The following EML1 variants were observed in gnomAD, a reference collection of about 807,000 sequenced individuals.
EML1 encodes EMAP like 1.
In EML1, 27 loss-of-function variants were observed where a neutral mutation model predicts 110.4. That is an observed-to-expected ratio of 0.24 (90% CI 0.18 to 0.34). The LOEUF (loss-of-function observed/expected upper bound fraction) is 0.34, where lower values mean the gene tolerates loss of function less well. Ranked by LOEUF, EML1 falls within the 10% of genes least tolerant of loss-of-function variation. The pLI is 1.00. For missense variants in EML1, 741 were observed against 1,030.9 expected, an observed-to-expected ratio of 0.72 and a Z score of 3.85; for synonymous variants, 344 against 385.8, an observed-to-expected ratio of 0.89 and a Z score of 1.27.
At chr14:99,935,120 T>G (rs900496467) in intron 17 of EML1, among the ~76,000 whole-genome samples, 3 of 152,150 alleles carry the variant, frequency 2.0e-5, no homozygotes, top group African/African-American at 4.8e-5. Context: ...TCCAAGGAAT[T>G]GAGTCTTCAT....
chr14:99,911,271 C>T (rs372540693), intron 12 of EML1, 151 bp from the exon 13 acceptor site: 22 of 884,432 alleles, frequency 2.5e-5, no homozygotes, highest in Middle Eastern at 5.5e-4. Context: ...GCTCTGCGAA[C>T]GTCTAGAAAT....
chr14:99,768,148 GCACAT>G (rs1199647744), upstream of EML1, among the ~76,000 whole-genome samples: 2 of 152,188 alleles, frequency 1.3e-5, no homozygotes, highest in African/African-American at 4.8e-5. Flanking sequence ...CACGAAGGGT[GCACAT>G]TGAATGTAAG....
chr14:99,772,386 C>T (rs919377005), upstream of EML1, among the ~76,000 whole-genome samples: 1 of 152,216 alleles, frequency 6.6e-6, no homozygotes, highest in Non-Finnish European at 1.5e-5. Context: ...CTCTAATAAC[C>T]GTGGTTGTCC....
At chr14:99,795,594 G>T (rs1255566992) in intron 1 of EML1, among the ~76,000 whole-genome samples, 1 of 152,168 alleles carries the variant, frequency 6.6e-6, no homozygotes, top group African/African-American at 2.4e-5. Context: ...TTCATTAAGT[G>T]AAGATATAAA....
At position 99,940,032 on chromosome 14, in the gene EML1, G is replaced by A. The variant is rs1034630974; in HGVS notation, c.2368G>A (p.Val790Ile). ...YGGHSSHVTNVDFLCEDSHLI... is the reference protein window; with the variant it reads ...YGGHSSHVTNIDFLCEDSHLI... ...CGGGCACAGCAGCCATGTCACCAAT[G>A]TCGATTTCCTCTGTGAAGACAGCCA... Residue 790 changes from valine (V) to isoleucine (I), a missense_variant, in exon 22 of 22, where the codon GTC becomes ATC. This residue lies in a region of EML1 where 114 missense variants were observed against 122.5 expected (regional missense o/e 0.93). Coordinates refer to ENST00000262233, the MANE Select transcript of EML1 (RefSeq NM_004434.3). 2 of 1,602,930 alleles carry A rather than the reference G, an allele frequency of 1.2e-6. No individual in the cohort carries two copies. The highest frequency in any genetic ancestry group is 1.3e-5 in the African/African-American group (1 of 74,492).
intron 1 of EML1, among the ~76,000 whole-genome samples, chr14:99,831,425 C>T (rs1038974981): frequency 3.3e-5 from 5 of 152,188 alleles, no homozygotes; most frequent in Non-Finnish European, 7.3e-5. Flanking sequence ...TCGTTGGGCC[C>T]ACTGGCATCA....
chr14:99,754,319 G>A (rs997012182), intron 1 of EML1, among the ~76,000 whole-genome samples: 2 of 152,334 alleles, frequency 1.3e-5, no homozygotes, highest in East Asian at 1.9e-4. Flanking sequence ...GGCAAGGAGG[G>A]GGCCCCATCT....
intron 1 of EML1, among the ~76,000 whole-genome samples, chr14:99,803,583 C>T (rs923897323): frequency 2.6e-5 from 4 of 152,192 alleles, no homozygotes; most frequent in African/African-American, 4.8e-5. Context: ...TGCTGAATGC[C>T]TCTCGCTAGA....
chr14:99,838,781 C>G (rs2058579824), intron 1 of EML1, among the ~76,000 whole-genome samples: 1 of 152,128 alleles, frequency 6.6e-6, no homozygotes, highest in Non-Finnish European at 1.5e-5. Context: ...TTCTGCTCAG[C>G]TGCAGGATCT....
chr14:99,891,977 G>T (rs923947787), intron 5 of EML1, among the ~76,000 whole-genome samples: 3 of 152,120 alleles, frequency 2.0e-5, no homozygotes, highest in Non-Finnish European at 2.9e-5. Context: ...CTGTAAGCTC[G>T]CAGGGCCACA....
In EML1 at chr14:99,909,256, AT is replaced by A. The variant is rs1292935359; in HGVS notation, c.1105-86del. On this transcript the variant is annotated intron_variant, in intron 10 of 21. Transcript: ENST00000262233. Reference sequence around the variant, plus strand: ...TGTGCTTGCCTTGAATTTCTTATTTATTTGTGGCTCACATTTTACTTGTTTT... The same window carrying A: ...TGTGCTTGCCTTGAATTTCTTATTTATTGTGGCTCACATTTTACTTGTTTT... 3.2e-6 allele frequency: 5 copies of A among 1,585,662 alleles called. No individual in the cohort carries two copies. In the African/African-American group the frequency reaches 6.7e-5, roughly 21 times the overall value.
chr14:99,758,520 A>G (rs1334595396), intron 1 of EML1, among the ~76,000 whole-genome samples: 3 of 152,190 alleles, frequency 2.0e-5, no homozygotes, highest in African/African-American at 4.8e-5. Context: ...ACATTTGACC[A>G]AAGGCAGGCA....
At chr14:99,797,756 G>A (rs2057801896) in intron 1 of EML1, among the ~76,000 whole-genome samples, 1 of 152,178 alleles carries the variant, frequency 6.6e-6, no homozygotes, top group Non-Finnish European at 1.5e-5. Flanking sequence ...GTGCCTGAAC[G>A]GACCTGGCAA....
At chr14:99,859,758 C>T (rs1016986681) in intron 2 of EML1, among the ~76,000 whole-genome samples, 1 of 152,148 alleles carries the variant, frequency 6.6e-6, no homozygotes, top group African/African-American at 2.4e-5. Flanking sequence ...GATATGCAGC[C>T]CATGGGTTCT....
At chr14:99,793,754 G>GCTCC (rs971452330) in intron 1 of EML1, among the ~76,000 whole-genome samples, 42 of 147,022 alleles carry the variant, frequency 2.9e-4, no homozygotes, top group Non-Finnish European at 5.3e-4. Flanking sequence ...GCCGCCCCGG[G>GCTCC]CTCCCCGCCG....
At chr14:99,871,916 C>T (rs933745157) in intron 3 of EML1, among the ~76,000 whole-genome samples, 15 of 152,148 alleles carry the variant, frequency 9.9e-5, no homozygotes, top group Non-Finnish European at 1.8e-4. Flanking sequence ...GAACGTGGCC[C>T]GGGCTGTCTG....
chr14:99,904,620 C>T (rs762848870), intron 9 of EML1, among the ~76,000 whole-genome samples: 1 of 152,166 alleles, frequency 6.6e-6, no homozygotes, highest in Non-Finnish European at 1.5e-5. Flanking sequence ...CATGTAAATA[C>T]ACAGACAGAA....
chr14:99,912,106 T>C (rs917755970), intron 13 of EML1, among the ~76,000 whole-genome samples: 3 of 152,078 alleles, frequency 2.0e-5, no homozygotes, highest in Non-Finnish European at 4.4e-5. Flanking sequence ...GGTTTGGAAC[T>C]CCTGAGCTCA....
chr14:99,852,713 G>A (rs188140235), intron 2 of EML1, among the ~76,000 whole-genome samples: 1 of 152,308 alleles, frequency 6.6e-6, no homozygotes, highest in East Asian at 1.9e-4. Context: ...ACTGTCTAAG[G>A]TTGCGTCTTT....
Sources: gnomAD v4.1 joint callset for allele counts (sites outside exome capture counted in the v4.1 genomes callset) on GRCh38, gnomAD v4.1.1 for gene constraint, gnomAD v4.1.1 regional missense constraint, MANE v1.5 for transcripts, NCBI Gene and HGNC (gene_info 2026-07-23, HGNC 2026-07-21) for gene names.